CDKAL1: variants seen among roughly 807,000 people sequenced by gnomAD.
CDKAL1 encodes threonylcarbamoyladenosine tRNA methylthiotransferase.
Under a neutral mutation model 68.2 loss-of-function variants are expected in CDKAL1, and 32 were observed. That is an observed-to-expected ratio of 0.47 (90% CI 0.35 to 0.63). CDKAL1 has a LOEUF of 0.63. Ranked by LOEUF, CDKAL1 falls within the 30% of genes least tolerant of loss-of-function variation. The pLI, the probability that CDKAL1 is intolerant of heterozygous loss-of-function variation, is 0.00. For synonymous variants in CDKAL1, 234 were observed against 244.3 expected, an observed-to-expected ratio of 0.96 and a Z score of 0.39; for missense variants, 606 against 696.7, an observed-to-expected ratio of 0.87 and a Z score of 1.47.
chr6:20,931,968 C>T (rs1030755422), intron 9 of CDKAL1, among the ~76,000 whole-genome samples: 2 of 152,162 alleles, frequency 1.3e-5, no homozygotes, highest in African/African-American at 2.4e-5. Flanking sequence ...TTTCTCTCTG[C>T]GTTAGTGCCC....
intron 9 of CDKAL1, among the ~76,000 whole-genome samples, chr6:20,919,374 C>T (rs1013558924): frequency 6.6e-6 from 1 of 152,104 alleles, no homozygotes; most frequent in African/African-American, 2.4e-5. Context: ...GGAATGAAGA[C>T]TGCTCATTTT....
At chr6:21,213,697 C>T (rs1404480814) in intron 15 of CDKAL1, among the ~76,000 whole-genome samples, 4 of 152,246 alleles carry the variant, frequency 2.6e-5, no homozygotes, top group South Asian at 4.1e-4. Context: ...TTTCCCCTGC[C>T]GTGTACTATA....
intron 9 of CDKAL1, among the ~76,000 whole-genome samples, chr6:20,876,461 C>T (rs1278778332): frequency 2.6e-5 from 4 of 152,184 alleles, no homozygotes; most frequent in Non-Finnish European, 5.9e-5. Context: ...TGGCAATTGT[C>T]TCTTATGTAG....
chr6:20,690,927 T>C (rs1770842590), intron 5 of CDKAL1, among the ~76,000 whole-genome samples: 1 of 152,194 alleles, frequency 6.6e-6, no homozygotes, highest in African/African-American at 2.4e-5. Flanking sequence ...AAACAAAAAA[T>C]TAAGATTCTG....
At chr6:21,084,843 C>T (rs1772608428) in intron 12 of CDKAL1, among the ~76,000 whole-genome samples, 3 of 152,130 alleles carry the variant, frequency 2.0e-5, no homozygotes. Context: ...TGATGGATTC[C>T]TTCCCAACTA....
At chr6:20,655,645 C>G (rs1768992392) in intron 5 of CDKAL1, among the ~76,000 whole-genome samples, 1 of 152,170 alleles carries the variant, frequency 6.6e-6, no homozygotes, top group East Asian at 1.9e-4. Flanking sequence ...AGAATCTAAA[C>G]TAATGCTTGG....
At chr6:21,002,197 G>A (rs1767463899) in intron 11 of CDKAL1, among the ~76,000 whole-genome samples, 1 of 152,174 alleles carries the variant, frequency 6.6e-6, no homozygotes, top group African/African-American at 2.4e-5. Context: ...TAGTCTCTTG[G>A]ATTTCTTTGG....
chr6:20,950,718 C>A (rs1426429859), intron 9 of CDKAL1, among the ~76,000 whole-genome samples: 1 of 152,098 alleles, frequency 6.6e-6, no homozygotes, highest in African/African-American at 2.4e-5. Flanking sequence ...GTAATCCCAG[C>A]ACTTCGGGAG....
intron 9 of CDKAL1, among the ~76,000 whole-genome samples, chr6:20,954,200 C>T (rs189403561): frequency 6.6e-6 from 1 of 152,180 alleles, no homozygotes; most frequent in East Asian, 1.9e-4. Flanking sequence ...TTTTCTACCT[C>T]ATGGAACATA....
chr6:20,682,683 A>C (rs1459090814), intron 5 of CDKAL1, among the ~76,000 whole-genome samples: 1 of 152,250 alleles, frequency 6.6e-6, no homozygotes, highest in Non-Finnish European at 1.5e-5. Context: ...TGGTGGGGAC[A>C]CAGAGTCAAA....
In CDKAL1 at chr6:20,811,505, C is replaced by G. The variant is rs547246619; in HGVS notation, c.638+30240C>G. Among the ~76,000 whole-genome samples the G allele has an allele frequency of 9.2e-5, 14 of 151,968 alleles. No individual in the cohort carries two copies. In the South Asian group the frequency reaches 2.7e-3, roughly 29 times the overall value. On this transcript the variant is annotated intron_variant, in intron 8 of 15. Coordinates refer to ENST00000274695, the MANE Select transcript of CDKAL1 (RefSeq NM_017774.3). ...ATTTAAGGAAACCATTTCATTTGTC[C>G]TGTAGTTTTCCACATTCTGGATTTT...
chr6:21,048,088 T>C (rs1202961726), intron 11 of CDKAL1, among the ~76,000 whole-genome samples: 3 of 152,202 alleles, frequency 2.0e-5, no homozygotes, highest in Non-Finnish European at 2.9e-5. Context: ...ATTAGAGTCG[T>C]GGACCTGGTT....
At chr6:20,597,979 A>C (rs1318211937) in intron 4 of CDKAL1, among the ~76,000 whole-genome samples, 3 of 152,212 alleles carry the variant, frequency 2.0e-5, no homozygotes, top group Admixed American at 1.3e-4. Context: ...GTGTTAAAAA[A>C]GGATGTGAGT....
chr6:20,964,061 C>G (rs889860759), intron 10 of CDKAL1, among the ~76,000 whole-genome samples: 1 of 151,248 alleles, frequency 6.6e-6, no homozygotes, highest in Non-Finnish European at 1.5e-5. Context: ...AAAAAAAAAA[C>G]TCAACATCAC....
At chr6:21,100,963 A>G (rs1773548773) in intron 12 of CDKAL1, among the ~76,000 whole-genome samples, 2 of 152,210 alleles carry the variant, frequency 1.3e-5, no homozygotes. Flanking sequence ...GTATTAAGTT[A>G]GCTTTCCATT....
chr6:20,660,740 C>T (rs1769247667), intron 5 of CDKAL1, among the ~76,000 whole-genome samples: 1 of 152,134 alleles, frequency 6.6e-6, no homozygotes, highest in Admixed American at 6.6e-5. Context: ...TTACTCAATA[C>T]ATGTTTGTAT....
chr6:20,976,530 A>C (rs916398045), intron 10 of CDKAL1, among the ~76,000 whole-genome samples: 2 of 152,190 alleles, frequency 1.3e-5, no homozygotes, highest in African/African-American at 4.8e-5. Flanking sequence ...TTGTGGTATA[A>C]CATAAATACC....
intron 8 of CDKAL1, among the ~76,000 whole-genome samples, chr6:20,841,509 T>TA (rs1778172489): frequency 6.6e-6 from 1 of 152,240 alleles, no homozygotes; most frequent in African/African-American, 2.4e-5. Flanking sequence ...AGTTGACCAT[T>TA]ATGTGTTTAC....
intron 10 of CDKAL1, among the ~76,000 whole-genome samples, chr6:20,976,418 G>A (rs188368181): frequency 6.6e-6 from 1 of 152,146 alleles, no homozygotes; most frequent in Admixed American, 6.5e-5. Flanking sequence ...GAATCCATTT[G>A]TTCCTTCATT....
Sources: gnomAD v4.1 joint callset for allele counts (sites outside exome capture counted in the v4.1 genomes callset) on GRCh38, gnomAD v4.1.1 for gene constraint, MANE v1.5 for transcripts, NCBI Gene and HGNC (gene_info 2026-07-23, HGNC 2026-07-21) for gene names.